LRTM3: variants seen among roughly 807,000 people sequenced by gnomAD.
LRTM3 encodes leucine rich repeat transmembrane protein 3.
the LRTM3 span, among the ~76,000 whole-genome samples, chr13:102,755,000 A>T: frequency 1.3e-5 from 2 of 152,128 alleles, no homozygotes; most frequent in African/African-American, 4.8e-5. Flanking sequence ...GCAGACTCTC[A>T]CTCAAGCATG....
At chr13:102,740,204 G>C in the LRTM3 span, 4 of 1,548,730 alleles carry the variant, frequency 2.6e-6, no homozygotes, top group Non-Finnish European at 3.5e-6. Flanking sequence ...TACCCCATCT[G>C]ATGATTTCAT....
chr13:102,748,946 T>C, the LRTM3 span: 2 of 1,550,602 alleles, frequency 1.3e-6, no homozygotes, highest in Admixed American at 3.9e-5. Flanking sequence ...TTTCTCTGTA[T>C]CTGGTGACTT....
At chr13:102,734,181 A>G in the LRTM3 span, 1 of 1,551,292 alleles carries the variant, frequency 6.4e-7, no homozygotes, top group Middle Eastern at 1.7e-4. Context: ...TGTATCCTGA[A>G]CCTCATATCT....
At chr13:102,753,494 T>TAAAAAA in the LRTM3 span, among the ~76,000 whole-genome samples, 1 of 124,440 alleles carries the variant, frequency 8.0e-6, no homozygotes, top group African/African-American at 3.4e-5. Context: ...AAAGTAAAAT[T>TAAAAAA]AAAAAAAAAA....
the LRTM3 span, chr13:102,748,028 T>C: frequency 1.3e-6 from 2 of 1,551,022 alleles, no homozygotes; most frequent in Admixed American, 2.0e-5. Context: ...TTCTGCGTTC[T>C]GTGTTTCCTT....
chr13:102,757,271 C>A, the LRTM3 span, among the ~76,000 whole-genome samples: 8 of 152,314 alleles, frequency 5.3e-5, no homozygotes, highest in African/African-American at 1.9e-4. Context: ...GTACCCAATA[C>A]AACAATATAG....
the LRTM3 span, chr13:102,730,947 GTTTC>G: frequency 3.9e-6 from 6 of 1,551,264 alleles, no homozygotes; most frequent in African/African-American, 8.2e-5. Context: ...TTAGATAAGG[GTTTC>G]TTTCTCTCAT....
the LRTM3 span, chr13:102,731,996 T>A: frequency 6.4e-7 from 1 of 1,551,420 alleles, no homozygotes. Flanking sequence ...GTATTTTTTA[T>A]TCATTTCACT....
chr13:102,749,004 C>T, the LRTM3 span: 8 of 1,550,812 alleles, frequency 5.2e-6, no homozygotes, highest in South Asian at 7.1e-5. Flanking sequence ...CCCGGCATGA[C>T]TTTCACTAGT....
the LRTM3 span, chr13:102,735,256 T>C: frequency 6.4e-7 from 1 of 1,551,326 alleles, no homozygotes; most frequent in Non-Finnish European, 8.7e-7. Context: ...TATCCGCAAC[T>C]TTTTCTCTAT....
the LRTM3 span, among the ~76,000 whole-genome samples, chr13:102,751,659 A>G: frequency 0.1 from 15,298 of 152,252 alleles, 835 homozygotes; most frequent in South Asian, 0.16. Flanking sequence ...TGTTTGGAGA[A>G]CACAGATTAT....
chr13:102,732,387 G>A, the LRTM3 span: 3 of 1,551,262 alleles, frequency 1.9e-6, no homozygotes, highest in Non-Finnish European at 2.6e-6. Context: ...TGTGGAATTG[G>A]GTGATTCTGG....
chr13:102,730,578 G>A, the LRTM3 span: 7 of 1,551,870 alleles, frequency 4.5e-6, no homozygotes, highest in Non-Finnish European at 6.1e-6. Context: ...CTCGGGCTGT[G>A]CAGATCACGG....
chr13:102,732,091 T>C, the LRTM3 span: 3 of 1,551,432 alleles, frequency 1.9e-6, no homozygotes, highest in Non-Finnish European at 2.6e-6. Context: ...CTTGTGGAAC[T>C]GTGTTTGTAA....
At chr13:102,757,359 T>TTCACACAGTGACTAG in the LRTM3 span, among the ~76,000 whole-genome samples, 1 of 151,776 alleles carries the variant, frequency 6.6e-6, no homozygotes, top group South Asian at 2.1e-4. Flanking sequence ...AATCCTCTGA[T>TTCACACAGTGACTAG]TCACACAGTG....
At chr13:102,736,511 T>C in the LRTM3 span, 1 of 1,551,180 alleles carries the variant, frequency 6.4e-7, no homozygotes, top group East Asian at 2.4e-5. Flanking sequence ...CAATGATTCC[T>C]GGATCTCAAG....
the LRTM3 span, chr13:102,742,367 G>A: frequency 1.1e-3 from 1,707 of 1,546,468 alleles, 1 homozygote; most frequent in Non-Finnish European, 1.4e-3. Flanking sequence ...AGAAATAGAT[G>A]TGTAGGGATT....
the LRTM3 span, chr13:102,740,312 A>G: frequency 6.5e-7 from 1 of 1,550,308 alleles, no homozygotes; most frequent in Non-Finnish European, 8.7e-7. Context: ...TGGAGAAATC[A>G]AGGGCACAAT....
At chr13:102,741,720 C>G in the LRTM3 span, 2 of 1,550,264 alleles carry the variant, frequency 1.3e-6, no homozygotes, top group Non-Finnish European at 1.7e-6. Context: ...AGTGGAATAT[C>G]TAGTCTCTTC....
Sources: gnomAD v4.1 joint callset for allele counts (sites outside exome capture counted in the v4.1 genomes callset) on GRCh38, gnomAD v4.1.1 for gene constraint, MANE v1.5 for transcripts, NCBI Gene and HGNC (gene_info 2026-07-23, HGNC 2026-07-21) for gene names.